Variants in RCN1 observed in about 807,000 individuals in gnomAD.
RCN1 encodes the protein reticulocalbin 1.
RCN1 carries 14 observed loss-of-function variants against 34.7 expected under a neutral mutation model. That is an observed-to-expected ratio of 0.40 (90% confidence interval 0.27 to 0.63). The LOEUF (loss-of-function observed/expected upper bound fraction) is 0.63, where lower values mean the gene tolerates loss of function less well. Among genes scored for constraint, RCN1 ranks in the 30% least tolerant of loss-of-function variants. The probability of loss-of-function intolerance (pLI) is 0.37; values close to 1 mark genes in which losing one functional copy is unlikely to be tolerated. For missense variants in RCN1, 326 were observed against 425.1 expected (o/e 0.77, Z 2.05); for synonymous variants, 125 against 165.5 (o/e 0.76, Z 1.88).
intron 4 of RCN1, 94 bp from the exon 5 acceptor site, chr11:32,103,187 T>A: frequency 8.9e-7 from 1 of 1,125,464 alleles, no homozygotes; most frequent in Non-Finnish European, 1.3e-6. Context: ...TTGTCGCCTT[T>A]CCTAAAGCTC....
chr11:32,091,376 C>T lies in RCN1; in HGVS notation c.180C>T (p.His60=). ...ACAACCAGAGCTTCCAGTACGACCA[C>T]GAGGCCTTCCTGGGCAAGGAGGACT... ...PEDNQSFQYD[H]EAFLGKEDSK... Residue 60 remains histidine (H), a synonymous_variant, in exon 1 of 6, where the codon CAC becomes CAT. Transcript: ENST00000054950. The T allele has an allele frequency of 1.3e-6, 2 of 1,549,464 alleles. No homozygotes were observed. The highest frequency in any genetic ancestry group is 1.7e-6 in the Non-Finnish European group (2 of 1,146,306).
At position 32,105,485 on chromosome 11, in the gene RCN1, T is replaced by G. The variant is rs959822462; in HGVS notation, c.*1013T>G. 6.6e-6 allele frequency: 1 copy of G among 152,140 alleles called. No individual in the cohort carries two copies. The highest frequency in any genetic ancestry group is 1.5e-5 in the Non-Finnish European group (1 of 68,028). The allele number at this position is 152,140 out of a possible 1,614,324, so 9.4% of individuals were successfully genotyped here. A position where few individuals can be genotyped will look rare whatever the true frequency, so the allele number is the denominator to read the frequency against. ...AGACACAACCTGTACAGATTGAAATTTCACCTTGTAAGGAGGAAGTGAATG... is the reference window on the plus strand; with the variant it reads ...AGACACAACCTGTACAGATTGAAATGTCACCTTGTAAGGAGGAAGTGAATG... On this transcript the variant is annotated 3_prime_UTR_variant, in exon 6 of 6. Transcript: ENST00000054950.
chr11:32,101,420 TATGAAAAGAGAA>T (rs1852040018), intron 4 of RCN1, among the ~76,000 whole-genome samples: 1 of 152,232 alleles, frequency 6.6e-6, no homozygotes, highest in Admixed American at 6.5e-5. Context: ...GGTGTTGACC[TATGAAAAGAGAA>T]ATGAAATATG....
At position 32,100,581 on chromosome 11, in the gene RCN1, G is replaced by A. The variant is rs1852025846; in HGVS notation, c.661G>A (p.Gly221Arg). The change falls in exon 4 of 6, where the codon GGG (glycine) becomes AGG (arginine). Residue 221 changes from glycine to arginine, a missense_variant. Coordinates refer to ENST00000054950, the MANE Select transcript of RCN1 (RefSeq NM_002901.4). Reference protein sequence around the residue: ...TLEDIDKNGDGFVDQDEYIAD... With the variant: ...TLEDIDKNGDRFVDQDEYIAD... ...GGAGGACATCGACAAGAACGGGGAT[G>A]GGTTTGTGGATCAGGATGAGTATAT... 1 of 1,614,112 alleles carries A rather than the reference G, an allele frequency of 6.2e-7. No individual in the cohort carries two copies. The highest frequency in any genetic ancestry group is 8.5e-7 in the Non-Finnish European group (1 of 1,179,958).
At position 32,104,386 on chromosome 11, in the gene RCN1, G is replaced by T. The variant is rs754500807; in HGVS notation, c.910G>T (p.Glu304Ter). ...ATAGGATGAGAAGCTAACTAAAGAG[G>T]AAATATTGGAGAACTGGAACATGTT... is the stretch of plus-strand genomic sequence containing the variant. The part of the protein sequence containing the change: ...KNKDEKLTKE[E>*]ILENWNMFVG... Residue 304 changes from glutamate (E) to a stop codon, truncating the protein, a stop_gained, in exon 6 of 6, where the codon GAA (glutamate) becomes TAA (stop). Transcript: ENST00000054950. LOFTEE classifies it high-confidence loss of function. The T allele has an allele frequency of 6.3e-7, 1 of 1,575,526 alleles. No homozygotes were observed. Among genetic ancestry groups the T allele is most frequent in the Non-Finnish European group, 8.7e-7 (1 of 1,145,750 alleles).
Position 32,097,207 on chromosome 11 carries a change from C to T in RCN1, c.318C>T (p.Thr106=), listed in dbSNP as rs374158982. 16 of 1,603,074 alleles carry T rather than the reference C, an allele frequency of 1.0e-5. No homozygotes were observed. In the African/African-American group the frequency reaches 2.2e-4, roughly 22 times the overall value. ...TTGTCACTACTGAGGAGCTGAAAACCTGGATCAAACGGGTGCAGAAAAGAT... is the reference window on the plus strand; with the variant it reads ...TTGTCACTACTGAGGAGCTGAAAACTTGGATCAAACGGGTGCAGAAAAGAT... The part of the protein sequence containing the change: ...DGFVTTEELK[T]WIKRVQKRYI... Residue 106 remains threonine (T), a synonymous_variant, in exon 2 of 6, where the codon ACC becomes ACT. Coordinates refer to ENST00000054950, the MANE Select transcript of RCN1 (RefSeq NM_002901.4).
chr11:32,101,641 CT>C (rs1852044434), intron 4 of RCN1, among the ~76,000 whole-genome samples: 2 of 152,096 alleles, frequency 1.3e-5, no homozygotes, highest in Admixed American at 6.5e-5. Flanking sequence ...AACACTGTTC[CT>C]TGTGTGTCAT....
In RCN1 at chr11:32,091,961, G is replaced by A. The variant is rs975840504; in HGVS notation, c.254+511G>A. ...AGCGACAGGCTTGCTTCCTGGTCTC[G>A]GCCGCAGTGGTCTTGCCTTTTGCCT... On this transcript the variant is annotated intron_variant, in intron 1 of 5. Coordinates refer to ENST00000054950, the MANE Select transcript of RCN1 (RefSeq NM_002901.4). Among the ~76,000 whole-genome samples, 4 of 152,282 alleles carry A rather than the reference G, an allele frequency of 2.6e-5. No individual in the cohort carries two copies. In the East Asian group the frequency reaches 7.7e-4, roughly 29 times the overall value.
intron 4 of RCN1, chr11:32,102,964 A>T (rs538417621): frequency 1.0e-5 from 5 of 491,630 alleles, no homozygotes; most frequent in Non-Finnish European, 2.0e-5. Flanking sequence ...TTTGATCATA[A>T]TAGCCCCATG....
intron 3 of RCN1, 64 bp downstream of exon 3, chr11:32,098,592 C>A: frequency 1.5e-6 from 2 of 1,314,218 alleles, no homozygotes; most frequent in Non-Finnish European, 2.1e-6. Context: ...CAAATCTTGT[C>A]TCTTCCAAAG....
At chr11:32,103,046 C>T (rs911100255) in intron 4 of RCN1, 16 of 620,796 alleles carry the variant, frequency 2.6e-5, no homozygotes, top group Admixed American at 1.3e-4. Flanking sequence ...AGTCAAAAGC[C>T]GGGATTTATC....
chr11:32,095,509 G>C (rs544799575), intron 1 of RCN1, among the ~76,000 whole-genome samples: 1 of 152,072 alleles, frequency 6.6e-6, no homozygotes, highest in Non-Finnish European at 1.5e-5. Context: ...CCAGGTTCAC[G>C]CCATTCTCCT....
chr11:32,099,842 C>T (rs1356391703), intron 3 of RCN1, among the ~76,000 whole-genome samples: 3 of 152,180 alleles, frequency 2.0e-5, no homozygotes, highest in Admixed American at 2.0e-4. Context: ...CTCTTTACCA[C>T]TCAACATTCA....
chr11:32,093,966 G>T (rs887855472), intron 1 of RCN1, among the ~76,000 whole-genome samples: 1 of 152,178 alleles, frequency 6.6e-6, no homozygotes, highest in Admixed American at 6.5e-5. Flanking sequence ...GACTCAATGA[G>T]GGGGAGAAGA....
intron 4 of RCN1, chr11:32,102,779 G>T: frequency 3.1e-6 from 1 of 325,260 alleles, no homozygotes; most frequent in Non-Finnish European, 5.9e-6. Context: ...TGTAAAATGG[G>T]AATTATAACA....
chr11:32,103,188 C>G, intron 4 of RCN1, 93 bp from the exon 5 acceptor site: 1 of 1,144,954 alleles, frequency 8.7e-7, no homozygotes, highest in South Asian at 1.3e-5. Flanking sequence ...TGTCGCCTTT[C>G]CTAAAGCTCA....
Position 32,091,175 on chromosome 11 carries a change from C to T in RCN1, c.-22C>T, listed in dbSNP as rs1851915728. ...TGTCGCTCGCTCAGCGTCTCCCTCT[C>T]GGCCGCCCTCTCCTCGGGACGATGG... On this transcript the variant is annotated 5_prime_UTR_variant, in exon 1 of 6. Coordinates refer to ENST00000054950, the MANE Select transcript of RCN1 (RefSeq NM_002901.4). 2.1e-6 allele frequency: 3 copies of T among 1,404,494 alleles called. No homozygotes were observed. The highest frequency in any genetic ancestry group is 7.2e-5 in the Admixed American group (2 of 27,682). 87.0% of individuals were successfully genotyped at this position (1,404,494 alleles called of 1,614,324 possible).
At chr11:32,098,673 AC>A in intron 3 of RCN1, 145 bp downstream of exon 3, 1 of 704,218 alleles carries the variant, frequency 1.4e-6, no homozygotes, top group Non-Finnish European at 2.3e-6. Context: ...ATCCCCGTCT[AC>A]CCAGAAAATT....
At chr11:32,094,794 C>G (rs1265258659) in intron 1 of RCN1, among the ~76,000 whole-genome samples, 1 of 152,188 alleles carries the variant, frequency 6.6e-6, no homozygotes, top group Non-Finnish European at 1.5e-5. Context: ...TGCCCAAGAT[C>G]ACGCAGATAA....
Sources: gnomAD v4.1 joint callset for allele counts (sites outside exome capture counted in the v4.1 genomes callset) on GRCh38, gnomAD v4.1.1 for gene constraint, MANE v1.5 for transcripts, NCBI Gene and HGNC (gene_info 2026-07-23, HGNC 2026-07-21) for gene names.